The following DOCK7 variants were observed in gnomAD, a reference collection of about 807,000 sequenced individuals.
DOCK7 encodes the protein dedicator of cytokinesis 7.
Under a neutral mutation model 271.0 loss-of-function variants are expected in DOCK7, and 138 were observed. The ratio of observed to expected loss-of-function variants is 0.51; its 90% CI spans 0.44 to 0.59. The LOEUF (loss-of-function observed/expected upper bound fraction) is 0.59, where lower values mean the gene tolerates loss of function less well. Ranked by LOEUF, DOCK7 falls within the 20% of genes least tolerant of loss-of-function variation. DOCK7 has a pLI of 0.00. For missense variants in DOCK7, 2,066 were observed against 2,592.4 expected (o/e 0.80, Z 4.41); for synonymous variants, 823 against 876.1 (o/e 0.94, Z 1.07).
chr1:62,521,509 G>A (rs1486611649), intron 31 of DOCK7, among the ~76,000 whole-genome samples: 1 of 152,098 alleles, frequency 6.6e-6, no homozygotes, highest in Non-Finnish European at 1.5e-5. Flanking sequence ...CATTTCGACT[G>A]TCTGGTAAGA....
At chr1:62,471,568 C>T (rs1330813465) in intron 48 of DOCK7, among the ~76,000 whole-genome samples, 1 of 152,162 alleles carries the variant, frequency 6.6e-6, no homozygotes, top group Non-Finnish European at 1.5e-5. Context: ...ACAGGAGGAT[C>T]CCTTGAACCC....
chr1:62,631,259 T>G lies in DOCK7; in HGVS notation c.1263A>C (p.Glu421Asp). 1 of 1,607,508 alleles carries G rather than the reference T, an allele frequency of 6.2e-7. No individual in the cohort carries two copies. Among genetic ancestry groups the G allele is most frequent in the Non-Finnish European group, 8.5e-7 (1 of 1,177,970 alleles). ...TCTTACCTCCAGTACTGATTTCTAC[T>G]TCTGTAGAATCTCTTTCCAAACTCC... ...SAGSLERDST[E>D]VEISTGERKG... The change falls in exon 11 of 50, where the codon GAA (glutamate) becomes GAC (aspartate). Residue 421 changes from glutamate (E) to aspartate (D), a missense_variant. Around this residue, in one of 2 missense-constraint regions of DOCK7, gnomAD observed 1,414 missense variants for 1,670.4 expected, o/e 0.85. Transcript: ENST00000635253.
chr1:62,534,150 C>T (rs1356872785), intron 29 of DOCK7, among the ~76,000 whole-genome samples: 1 of 152,120 alleles, frequency 6.6e-6, no homozygotes, highest in Admixed American at 6.5e-5. Context: ...AGACATGAGC[C>T]ACCATGTGTG....
intron 34 of DOCK7, among the ~76,000 whole-genome samples, chr1:62,509,573 C>A (rs1428215434): frequency 6.6e-6 from 1 of 151,940 alleles, no homozygotes; most frequent in South Asian, 2.1e-4. Context: ...TAAAAAATAA[C>A]ACATGTAGAA....
At chr1:62,624,698 G>A (rs183381693) in intron 12 of DOCK7, among the ~76,000 whole-genome samples, 1 of 152,336 alleles carries the variant, frequency 6.6e-6, no homozygotes, top group East Asian at 1.9e-4. Flanking sequence ...ATAGGATACA[G>A]GCTGGACATG....
At chr1:62,589,238 TG>T (rs1411648230) in intron 14 of DOCK7, among the ~76,000 whole-genome samples, 2 of 152,222 alleles carry the variant, frequency 1.3e-5, no homozygotes, top group Non-Finnish European at 2.9e-5. Flanking sequence ...AATAATAAAT[TG>T]GTGCACTACA....
intron 22 of DOCK7, among the ~76,000 whole-genome samples, chr1:62,552,326 A>G (rs1378335739): frequency 6.6e-6 from 1 of 152,196 alleles, no homozygotes; most frequent in Non-Finnish European, 1.5e-5. Flanking sequence ...ACAAAAATGG[A>G]AAATTGTTTA....
chr1:62,584,873 G>A (rs937146705), intron 15 of DOCK7: 16 of 716,820 alleles, frequency 2.2e-5, no homozygotes, highest in African/African-American at 7.0e-5. Flanking sequence ...GGGTGCAGCT[G>A]GGGCTCTGTA....
intron 1 of DOCK7, among the ~76,000 whole-genome samples, chr1:62,681,548 AAT>A (rs201823491): frequency 0.14 from 8,281 of 57,414 alleles, 361 homozygotes; most frequent in South Asian, 0.27. Context: ...AAATAAAAAA[AAT>A]AAAATAAAAA....
Position 62,495,358 on chromosome 1 carries a change from A to G in DOCK7, c.5024+223T>C, listed in dbSNP as rs1237128351. 1.1e-5 allele frequency: 3 copies of G among 280,946 alleles called. No homozygotes were observed. In the Admixed American group the frequency reaches 1.6e-4, roughly 15 times the overall value. The allele number at this position is 280,946 out of a possible 1,614,324, so 17.4% of individuals were successfully genotyped here. ...TGTAATCCCAGAACTTTGGGAGGCC[A>G]AGACAGGCAGATCTCTTGAGCCCAG... On this transcript the variant is annotated intron_variant, in intron 39 of 49. Transcript: ENST00000635253.
intron 15 of DOCK7, chr1:62,584,912 G>A: frequency 1.4e-6 from 1 of 698,386 alleles, no homozygotes; most frequent in South Asian, 1.6e-5. Flanking sequence ...ATAAGACAAG[G>A]AAGAGTTTGT....
chr1:62,552,821 G>A lies in DOCK7; in HGVS notation c.2677C>T (p.Arg893Cys), dbSNP rs374515298. Residue 893 changes from arginine to cysteine, a missense_variant, in exon 22 of 50, where the codon CGT (arginine) becomes TGT (cysteine). By Grantham distance (180) the Arg-to-Cys change is radical (BLOSUM62 -3). Transcript: ENST00000635253. ...AVRPASLNLN[R>C]SRSLSNSNPD... ...TTGCTATTACTAAGGCTTCGAGAAC[G>A]ATTTAAATTAAGGCTTGCAGGTCTC... 5.0e-6 allele frequency: 8 copies of A among 1,613,658 alleles called. No individual in the cohort carries two copies. Among genetic ancestry groups the A allele is most frequent in the East Asian group, 2.2e-5 (1 of 44,842 alleles).
intron 5 of DOCK7, 42 bp from the exon 6 acceptor site, chr1:62,648,360 A>G: frequency 1.4e-6 from 2 of 1,425,372 alleles, no homozygotes; most frequent in Non-Finnish European, 9.2e-7. Flanking sequence ...TAATTAATAA[A>G]TTGACAACTA....
intron 7 of DOCK7, among the ~76,000 whole-genome samples, chr1:62,637,109 CCAAA>C (rs952016905): frequency 3.9e-5 from 6 of 152,074 alleles, no homozygotes; most frequent in African/African-American, 7.2e-5. Flanking sequence ...AATGCACTTG[CCAAA>C]CAAATTTTTT....
rs1645938250 is a variant in DOCK7 at position 62,475,346 on chromosome 1, G to T, written c.5967C>A (p.Ile1989=). 2 of 1,613,650 alleles carry T rather than the reference G, an allele frequency of 1.2e-6. No homozygotes were observed. Among genetic ancestry groups the T allele is most frequent in the African/African-American group, 1.3e-5 (1 of 74,856 alleles). ...CAATAGCAACTTCAATTGGTGTTAA[G>T]ATGATCTGAGTAAAAGAGCATCTGT... ...RVNVTHKEEI[I]LTPIEVAIED... Residue 1989 remains isoleucine (I), a synonymous_variant, in exon 47 of 50, where the codon ATC becomes ATA. Coordinates refer to ENST00000635253, the MANE Select transcript of DOCK7 (RefSeq NM_001367561.1).
chr1:62,522,332 G>A (rs965564210), intron 31 of DOCK7, among the ~76,000 whole-genome samples: 2 of 152,060 alleles, frequency 1.3e-5, no homozygotes, highest in African/African-American at 4.8e-5. Flanking sequence ...AAATCCATTA[G>A]TACACAACTA....
chr1:62,601,334 C>A, intron 14 of DOCK7: 1 of 658,370 alleles, frequency 1.5e-6, no homozygotes, highest in Non-Finnish European at 2.7e-6. Flanking sequence ...TGCTGGGGTT[C>A]TTTTTACACC....
At chr1:62,595,678 C>G (rs1430815353) in intron 14 of DOCK7, among the ~76,000 whole-genome samples, 1 of 152,116 alleles carries the variant, frequency 6.6e-6, no homozygotes, top group Non-Finnish European at 1.5e-5. Flanking sequence ...CCTTTAATAT[C>G]AGCACTTTGA....
intron 1 of DOCK7, among the ~76,000 whole-genome samples, chr1:62,664,805 C>T (rs532631444): frequency 3.4e-5 from 5 of 148,898 alleles, no homozygotes; most frequent in African/African-American, 7.4e-5. Context: ...AAAAAGTTAA[C>T]GACAAGGGAG....
Sources: allele counts gnomAD v4.1 joint callset (sites outside exome capture counted in the v4.1 genomes callset), GRCh38; gene constraint gnomAD v4.1.1; regional missense constraint gnomAD v4.1.1; transcripts MANE v1.5; gene names NCBI Gene and HGNC (gene_info 2026-07-23, HGNC 2026-07-21).